MBNL3: variants seen among roughly 807,000 people sequenced by gnomAD.
The protein encoded by MBNL3 is muscleblind-like protein 3.
MBNL3 carries 6 observed loss-of-function variants against 24.5 expected under a neutral mutation model. The observed-to-expected ratio is 0.25, with a 90% CI of 0.13 to 0.48. The LOEUF is 0.48. MBNL3 is among the 20% of genes least tolerant of loss of function. MBNL3 has a pLI of 0.99. For synonymous variants in MBNL3, 100 were observed against 101.7 expected (o/e 0.98, Z 0.10); for missense variants, 230 against 293.5 (o/e 0.78, Z 1.58).
rs192105937 is a variant in MBNL3, at chrX:132,410,988, T to A, written c.178-4596A>T. On this transcript the variant is annotated intron_variant, in intron 2 of 8. Coordinates refer to ENST00000370853, the MANE Select transcript of MBNL3 (RefSeq NM_001386889.1). ...ATTGTATCATCTATAAATATTGATA[T>A]AGATGCACAAAGAGCAGCCTTAAAA... is the stretch of plus-strand genomic sequence containing the variant. Among the ~76,000 whole-genome samples the A allele has an allele frequency of 5.3e-5, 6 of 112,510 alleles. No homozygotes were observed. The East Asian group carries it at 1.7e-3, about 31-fold the overall frequency.
chrX:132,433,378 T>C (rs747224533), intron 2 of MBNL3, among the ~76,000 whole-genome samples: 63 of 111,806 alleles, frequency 5.6e-4, no homozygotes, highest in African/African-American at 1.6e-3. Context: ...TCCCAGGGGA[T>C]AGTTAAGGTT....
intron 5 of MBNL3, among the ~76,000 whole-genome samples, chrX:132,387,274 GAA>G (rs1230246022): frequency 8.8e-5 from 2 of 22,633 alleles, no homozygotes; most frequent in African/African-American, 4.3e-4. Flanking sequence ...CCTGTCTCAA[GAA>G]AAAAAAAAAA....
intron 3 of MBNL3, among the ~76,000 whole-genome samples, chrX:132,398,500 T>C (rs1940238591): frequency 9.0e-6 from 1 of 111,650 alleles, no homozygotes; most frequent in African/African-American, 3.3e-5. Context: ...GTGGCATGGA[T>C]TGTAGTAATA....
At chrX:132,412,067 A>G (rs893887741) in intron 2 of MBNL3, among the ~76,000 whole-genome samples, 1 of 111,703 alleles carries the variant, frequency 9.0e-6, no homozygotes, top group African/African-American at 3.3e-5. Context: ...TCAGGTCCAG[A>G]AAATAGCTAG....
chrX:132,416,996 A>C (rs1017208050), intron 2 of MBNL3, among the ~76,000 whole-genome samples: 1 of 112,247 alleles, frequency 8.9e-6, no homozygotes, highest in Non-Finnish European at 1.9e-5. Flanking sequence ...AAGTATGTTA[A>C]GTTTCATCCA....
chrX:132,469,830 C>G, intron 1 of MBNL3, among the ~76,000 whole-genome samples: 1 of 111,283 alleles, frequency 9.0e-6, no homozygotes, highest in African/African-American at 3.3e-5. Context: ...CACTTTTACT[C>G]CCCCACCAAA....
At chrX:132,419,819 ATAAAAC>A (rs1392709005) in intron 2 of MBNL3, among the ~76,000 whole-genome samples, 1 of 112,516 alleles carries the variant, frequency 8.9e-6, no homozygotes, top group African/African-American at 3.2e-5. Flanking sequence ...TATTCACAAA[ATAAAAC>A]TAAAGGGTTT....
In MBNL3 at chrX:132,396,455, TATATATATTCCTATATATATTC is replaced by T. The variant is rs1470142917; in HGVS notation, c.343-4143_343-4122del. Reference sequence around the variant, plus strand: ...CTATATATATTCATATATATTCCTATATATATATTCCTATATATATTCATATATATTCCTATATATATTCCTA... The same window carrying T: ...CTATATATATTCATATATATTCCTATATATATATTCCTATATATATTCCTA... On this transcript the variant is annotated intron_variant, in intron 3 of 8. Transcript: ENST00000370853. Among the ~76,000 whole-genome samples the T allele has an allele frequency of 5.5e-4, 42 of 76,685 alleles. 1 individual carries two copies. In the East Asian group the frequency reaches 0.012, roughly 21 times the overall value. 66.6% of individuals were successfully genotyped at this position (76,685 alleles called of 115,157 possible).
chrX:132,449,983 C>G (rs888646726), intron 1 of MBNL3, among the ~76,000 whole-genome samples: 2 of 64,817 alleles, frequency 3.1e-5, no homozygotes, highest in Non-Finnish European at 6.7e-5. Context: ...TATTGCCCCC[C>G]CCCCCCCCCC....
chrX:132,415,546 A>C (rs1218699785), intron 2 of MBNL3, among the ~76,000 whole-genome samples: 1 of 111,991 alleles, frequency 8.9e-6, no homozygotes, highest in East Asian at 2.8e-4. Flanking sequence ...TTACCTCTGC[A>C]TTTTGAAATT....
At chrX:132,382,745 C>T (rs987516593) in intron 7 of MBNL3, among the ~76,000 whole-genome samples, 1 of 111,780 alleles carries the variant, frequency 8.9e-6, no homozygotes, top group African/African-American at 3.3e-5. Flanking sequence ...ACATGAATGC[C>T]GTCACTAGAT....
At chrX:132,408,581 G>A (rs1246012309) in intron 2 of MBNL3, among the ~76,000 whole-genome samples, 2 of 111,558 alleles carry the variant, frequency 1.8e-5, no homozygotes, top group Non-Finnish European at 3.8e-5. Context: ...AAGGGAGGGA[G>A]AGAACACACT....
rs1182254682 is a variant in MBNL3, at chrX:132,371,228, TC to T, written c.*8437del. On this transcript the variant is annotated 3_prime_UTR_variant, in exon 9 of 9. Coordinates refer to ENST00000370853, the MANE Select transcript of MBNL3 (RefSeq NM_001386889.1). Reference sequence around the variant, plus strand: ...GACACTTGACAAGGACCCAACCTCCTCCCCGACCCTCTTCACTGTTAAGAGA... The same window carrying T: ...GACACTTGACAAGGACCCAACCTCCTCCCGACCCTCTTCACTGTTAAGAGA... The T allele has an allele frequency of 1.8e-5, 2 of 110,571 alleles. No individual in the cohort carries two copies. The highest frequency in any genetic ancestry group is 3.3e-5 in the African/African-American group (1 of 30,332). The allele number at this position is 110,571 out of a possible 1,213,427, so 9.1% of individuals were successfully genotyped here.
In MBNL3 at chrX:132,382,161, TA is replaced by T; in HGVS notation, c.1053+16del. ...TGTAGTTATCTTGATCTGAACAGCT[TA>T]AATAAATGGCCAAACCTGATTGCCT... On this transcript the variant is annotated intron_variant, in intron 8 of 8. Coordinates refer to ENST00000370853, the MANE Select transcript of MBNL3 (RefSeq NM_001386889.1). The T allele has an allele frequency of 8.3e-7, 1 of 1,204,420 alleles. No homozygotes were observed. The highest frequency in any genetic ancestry group is 1.1e-6 in the Non-Finnish European group (1 of 889,350).
rs1934179650 is a variant in MBNL3, at chrX:132,376,707, ATAGTC to A, written c.*2954_*2958del. The A allele has an allele frequency of 8.9e-6, 1 of 112,029 alleles. No individual in the cohort carries two copies. The highest frequency in any genetic ancestry group is 3.2e-5 in the African/African-American group (1 of 30,943). 9.2% of individuals were successfully genotyped at this position (112,029 alleles called of 1,213,427 possible). On this transcript the variant is annotated 3_prime_UTR_variant, in exon 9 of 9. Transcript: ENST00000370853. ...GACTTGTCTTTTTAAATGGAAATTTATAGTCTAATGACTTATCTTTCTTCTTTTCT... is the reference window on the plus strand; with the variant it reads ...GACTTGTCTTTTTAAATGGAAATTTATAATGACTTATCTTTCTTCTTTTCT...
chrX:132,396,474 A>G (rs1938527864), intron 3 of MBNL3, among the ~76,000 whole-genome samples: 1 of 76,145 alleles, frequency 1.3e-5, no homozygotes, highest in Admixed American at 1.8e-4. Flanking sequence ...TCCTATATAT[A>G]TTCATATATA....
At chrX:132,444,159 T>C (rs1945569900) in intron 1 of MBNL3, among the ~76,000 whole-genome samples, 1 of 110,608 alleles carries the variant, frequency 9.0e-6, no homozygotes, top group East Asian at 2.9e-4. Flanking sequence ...TTGCTGGCTC[T>C]ATCTTGTCAC....
At chrX:132,486,109 C>G (rs1947995177) in intron 1 of MBNL3, among the ~76,000 whole-genome samples, 4 of 111,923 alleles carry the variant, frequency 3.6e-5, no homozygotes. Flanking sequence ...CAGCTATGCC[C>G]CAATCCCTGT....
At position 132,369,611 on chromosome X, in the gene MBNL3, C is replaced by T. The variant is rs1411207689; in HGVS notation, c.*10055G>A. ...TCTGCAAGCATGCTGACTGCAGGCT[C>T]CTCAGATTCTTTCTCCATTCCCTCA... On this transcript the variant is annotated 3_prime_UTR_variant, in exon 9 of 9. Transcript: ENST00000370853. 1 of 111,907 alleles carries T rather than the reference C, an allele frequency of 8.9e-6. No homozygotes were observed. The highest frequency in any genetic ancestry group is 3.3e-5 in the African/African-American group (1 of 30,769). 9.2% of individuals were successfully genotyped at this position (111,907 alleles called of 1,213,427 possible).
Sources: allele counts gnomAD v4.1 joint callset (sites outside exome capture counted in the v4.1 genomes callset), GRCh38; gene constraint gnomAD v4.1.1; transcripts MANE v1.5; gene names NCBI Gene and HGNC (gene_info 2026-07-23, HGNC 2026-07-21).